SPIB: variants seen among roughly 807,000 people sequenced by gnomAD.
The protein encoded by SPIB is transcription factor Spi-B.
A neutral mutation model predicts 31.9 loss-of-function variants in SPIB; 7 were observed. That is an observed-to-expected ratio of 0.22 (90% CI 0.12 to 0.41). SPIB has a LOEUF of 0.41. Among genes scored for constraint, SPIB ranks in the 10% least tolerant of loss-of-function variants. The pLI, the probability that SPIB is intolerant of heterozygous loss-of-function variation, is 1.00. For missense variants in SPIB, 327 were observed against 360.2 expected, an observed-to-expected ratio of 0.91 and a Z score of 0.75; for synonymous variants, 176 against 158.9, an observed-to-expected ratio of 1.11 and a Z score of -0.81.
Position 50,423,003 on chromosome 19 carries a change from T to TTC in SPIB, c.305_306insTC (p.Ala104LeufsTer77), listed in dbSNP as rs765780718. 12 of 1,529,184 alleles carry TTC rather than the reference T, an allele frequency of 7.8e-6. No individual in the cohort carries two copies. The highest frequency in any genetic ancestry group is 1.9e-4 in the Middle Eastern group (1 of 5,192). 94.7% of individuals were successfully genotyped at this position (1,529,184 alleles called of 1,614,324 possible). ...AGCCTGGAGGCCCCGGGGCCTGGCC[T>TTC]CCCTGCATACCCCACGGAGAACTTC... On this transcript the variant is annotated frameshift_variant, in exon 4 of 6. Transcript: ENST00000595883. LOFTEE classifies it high-confidence loss of function.
chr19:50,419,227 C>T (rs890800285), intron 1 of SPIB, among the ~76,000 whole-genome samples: 2 of 152,182 alleles, frequency 1.3e-5, no homozygotes, highest in East Asian at 1.9e-4. Context: ...CACTTGCTAG[C>T]GTGCCCTCCT....
Position 50,423,580 on chromosome 19 carries a change from T to C in SPIB, c.340-25T>C, listed in dbSNP as rs763400116. 20 of 1,606,930 alleles carry C rather than the reference T, an allele frequency of 1.2e-5. No individual in the cohort carries two copies. In the South Asian group the frequency reaches 2.2e-4, roughly 18 times the overall value. The stretch of plus-strand genomic sequence containing the variant: ...GAGGGAGACAAGGGGTCCCTGGACA[T>C]GCAGGTGACCCTGACCTTCCGCAGA... On this transcript the variant is annotated intron_variant, in intron 4 of 5. Coordinates refer to ENST00000595883, the MANE Select transcript of SPIB (RefSeq NM_003121.5).
intron 3 of SPIB, 55 bp downstream of exon 3, chr19:50,422,600 G>C (rs960709691): frequency 6.3e-7 from 1 of 1,581,710 alleles, no homozygotes; most frequent in African/African-American, 1.3e-5. Flanking sequence ...TCACAGATAG[G>C]GGAGCTGAGG....
chr19:50,427,837 T>C (rs2039584484), intron 5 of SPIB, among the ~76,000 whole-genome samples: 1 of 147,786 alleles, frequency 6.8e-6, no homozygotes, highest in African/African-American at 2.5e-5. Flanking sequence ...GGCTGACAGC[T>C]TCGGGCAGGG....
intron 1 of SPIB, 123 bp from the exon 2 acceptor site, chr19:50,419,823 T>C: frequency 1.0e-6 from 1 of 967,526 alleles, no homozygotes; most frequent in East Asian, 3.2e-5. Flanking sequence ...GTGGTGGGGC[T>C]GGTCCCTCAC....
rs1198149448 is a variant in SPIB at position 50,427,858 on chromosome 19, G to GCC, written c.491-166_491-165dup. 1.6e-3 allele frequency among the ~76,000 whole-genome samples: 91 copies of GCC among 56,594 alleles called. 7 individuals carry two copies. The highest frequency in any genetic ancestry group is 3.4e-3 in the African/African-American group (54 of 16,086). 37.1% of individuals were successfully genotyped at this position (56,594 alleles called of 152,430 possible). A position where few individuals can be genotyped will look rare whatever the true frequency, so the allele number is the denominator to read the frequency against. On this transcript the variant is annotated intron_variant, in intron 5 of 5. Transcript: ENST00000595883. ...CAGCTTCGGGCAGGGGGAGTGGCTTGCCCCCCCCCCCCCCCGTGGTGAGGG... is the reference window on the plus strand; with the variant it reads ...CAGCTTCGGGCAGGGGGAGTGGCTTGCCCCCCCCCCCCCCCCCGTGGTGAGGG...
intron 2 of SPIB, among the ~76,000 whole-genome samples, chr19:50,422,174 C>T (rs2039503733): frequency 6.6e-6 from 1 of 152,220 alleles, no homozygotes; most frequent in South Asian, 2.1e-4. Context: ...ACCCCTTCTC[C>T]AGGCGCCCTG....
chr19:50,419,756 TC>T (rs897543841), intron 1 of SPIB, 189 bp from the exon 2 acceptor site: 87 of 495,414 alleles, frequency 1.8e-4, no homozygotes, highest in Middle Eastern at 1.6e-3. Flanking sequence ...GACATTTGCC[TC>T]CCCCCCACCC....
intron 1 of SPIB, 56 bp from the exon 2 acceptor site, chr19:50,419,890 G>A: frequency 1.3e-6 from 2 of 1,518,438 alleles, no homozygotes; most frequent in Non-Finnish European, 1.8e-6. Context: ...CAACCACTTT[G>A]AGATTCAGGT....
Position 50,423,572 on chromosome 19 carries a change from C to T in SPIB, c.340-33C>T, listed in dbSNP as rs2039527036. 21 of 1,603,728 alleles carry T rather than the reference C, an allele frequency of 1.3e-5. No homozygotes were observed. In the East Asian group the frequency reaches 4.7e-4, roughly 36 times the overall value. On this transcript the variant is annotated intron_variant, in intron 4 of 5. Coordinates refer to ENST00000595883, the MANE Select transcript of SPIB (RefSeq NM_003121.5). ...AGGAAGTGGAGGGAGACAAGGGGTC[C>T]CTGGACATGCAGGTGACCCTGACCT...
intron 2 of SPIB, among the ~76,000 whole-genome samples, chr19:50,421,535 C>T (rs1178301574): frequency 6.6e-6 from 1 of 151,890 alleles, no homozygotes; most frequent in Non-Finnish European, 1.5e-5. Context: ...GTTGGCCAGG[C>T]TGGTATCGAT....
Position 50,423,613 on chromosome 19 carries a change from T to C in SPIB, c.348T>C (p.Val116=). The C allele has an allele frequency of 1.2e-6, 2 of 1,613,536 alleles. No individual in the cohort carries two copies. The highest frequency in any genetic ancestry group is 1.7e-6 in the Non-Finnish European group (2 of 1,179,736). Residue 116 remains valine (V), a synonymous_variant, in exon 5 of 6, where the codon GTT becomes GTC. Transcript: ENST00000595883. The part of the protein sequence containing the change: ...PTENFASQTL[V]PPAYAPYPSP... ...ACCCTGACCTTCCGCAGACCCTGGT[T>C]CCCCCGGCATATGCCCCGTACCCCA...
At position 50,430,910 on chromosome 19, in the gene SPIB, A is replaced by G. The variant is rs549838796; in HGVS notation, c.*2574A>G. On this transcript the variant is annotated 3_prime_UTR_variant, in exon 6 of 6. Transcript: ENST00000595883. ...GAGCCCAGGCTGGGACCTGCCCTTA[A>G]GAGAATGAGTGGGAAGGGGGAGGGA... 1.3e-5 allele frequency: 2 copies of G among 152,364 alleles called. No individual in the cohort carries two copies. Among genetic ancestry groups the G allele is most frequent in the East Asian group, 3.9e-4 (2 of 5,184 alleles). 9.4% of individuals were successfully genotyped at this position (152,364 alleles called of 1,614,324 possible). A position where few individuals can be genotyped will look rare whatever the true frequency, so the allele number is the denominator to read the frequency against.
chr19:50,430,348 G>C lies in SPIB; in HGVS notation c.*2012G>C, dbSNP rs2039625949. ...GCGGGCCAAGAGGCCAGAGGTCCTT[G>C]AGCCTGGGTGGGCAGGTGGATCTAG... On this transcript the variant is annotated 3_prime_UTR_variant, in exon 6 of 6. Transcript: ENST00000595883. 6.6e-6 allele frequency: 1 copy of C among 152,142 alleles called. No individual in the cohort carries two copies. The highest frequency in any genetic ancestry group is 1.5e-5 in the Non-Finnish European group (1 of 68,064). 9.4% of individuals were successfully genotyped at this position (152,142 alleles called of 1,614,324 possible).
intron 5 of SPIB, among the ~76,000 whole-genome samples, chr19:50,426,088 A>C (rs1282285263): frequency 6.6e-6 from 1 of 152,136 alleles, no homozygotes; most frequent in Non-Finnish European, 1.5e-5. Context: ...GCACGCCTGT[A>C]ATCCCAGCTA....
intron 5 of SPIB, among the ~76,000 whole-genome samples, chr19:50,424,461 A>G (rs902859443): frequency 1.3e-5 from 2 of 152,086 alleles, no homozygotes; most frequent in Non-Finnish European, 2.9e-5. Context: ...AGCCTGGCCA[A>G]CATGGCAAAA....
intron 2 of SPIB, among the ~76,000 whole-genome samples, chr19:50,422,254 C>T (rs569457927): frequency 6.6e-6 from 1 of 152,318 alleles, no homozygotes; most frequent in South Asian, 2.1e-4. Context: ...GAGCTGGCTG[C>T]TGTGTGCCCC....
chr19:50,422,445 C>A, intron 2 of SPIB, 28 bp from the exon 3 acceptor site: 1 of 1,609,936 alleles, frequency 6.2e-7, no homozygotes, highest in African/African-American at 1.3e-5. Context: ...CTGGGATGAC[C>A]CCTCTTCCCT....
chr19:50,419,913 C>A, intron 1 of SPIB, 33 bp from the exon 2 acceptor site: 1 of 1,533,900 alleles, frequency 6.5e-7, no homozygotes, highest in Non-Finnish European at 8.7e-7. Context: ...CTGGAGGCAG[C>A]CTCAGCATGC....
Sources: allele counts gnomAD v4.1 joint callset (sites outside exome capture counted in the v4.1 genomes callset), GRCh38; gene constraint gnomAD v4.1.1; transcripts MANE v1.5; gene names NCBI Gene and HGNC (gene_info 2026-07-23, HGNC 2026-07-21).